The following LLGL1 variants were observed in gnomAD, a reference collection of about 807,000 sequenced individuals.
LLGL1 encodes the protein lethal(2) giant larvae protein homolog 1.
Under a neutral mutation model 110.6 loss-of-function variants are expected in LLGL1, and 58 were observed. That is an observed-to-expected ratio of 0.52 (90% CI 0.42 to 0.65). LLGL1 has a LOEUF of 0.65. LLGL1 is among the 30% of genes least tolerant of loss of function. The pLI, the probability that LLGL1 is intolerant of heterozygous loss-of-function variation, is 0.00. For missense variants in LLGL1, 1,229 were observed against 1,462.1 expected, an observed-to-expected ratio of 0.84 and a Z score of 2.60; for synonymous variants, 674 against 607.2, an observed-to-expected ratio of 1.11 and a Z score of -1.62.
At chr17:18,225,992 CT>C (rs1224981746) in intron 1 of LLGL1, among the ~76,000 whole-genome samples, 1 of 152,004 alleles carries the variant, frequency 6.6e-6, no homozygotes, top group Non-Finnish European at 1.5e-5. Flanking sequence ...CTCCCCGAGT[CT>C]CTGCGGGCCG....
chr17:18,234,893 CCACTGTGT>C lies in LLGL1; in HGVS notation c.961_968del (p.His321LysfsTer31). ...TGCCCCGTGCCAGCTATGGTGACCG[CCACTGTGT>C]AAGTGTGCTTCGAGCCGAGACATTG... On this transcript the variant is annotated frameshift_variant, in exon 9 of 23. Transcript: ENST00000316843. LOFTEE classifies it high-confidence loss of function. The C allele has an allele frequency of 2.5e-6, 4 of 1,614,080 alleles. No homozygotes were observed. The highest frequency in any genetic ancestry group is 3.4e-6 in the Non-Finnish European group (4 of 1,180,012).
In LLGL1 at chr17:18,239,731, A is replaced by C. The variant is rs1378226788; in HGVS notation, c.2207-847A>C. Among the ~76,000 whole-genome samples, 23 of 150,092 alleles carry C rather than the reference A, an allele frequency of 1.5e-4. No homozygotes were observed. In the South Asian group the frequency reaches 4.7e-3, roughly 31 times the overall value. On this transcript the variant is annotated intron_variant, in intron 16 of 22. Coordinates refer to ENST00000316843, the MANE Select transcript of LLGL1 (RefSeq NM_004140.4). ...CTCACTGTCTGGATGTGGCGGGTGC[A>C]GCTGGGGGTGGGGGGTTCTTTGACT... is the stretch of plus-strand genomic sequence containing the variant.
rs766299600 is a variant in LLGL1, at chr17:18,242,185, C to T, written c.2902C>T (p.Pro968Ser). 6 of 1,614,010 alleles carry T rather than the reference C, an allele frequency of 3.7e-6. No individual in the cohort carries two copies. Among genetic ancestry groups the T allele is most frequent in the South Asian group, 2.2e-5 (2 of 91,084 alleles). ...CTGCAGTTACAGGATCCGAGAGTCA[C>T]CCAAGCTGAGCCAGGCTAACGGGAC... is the stretch of plus-strand genomic sequence containing the variant. ...TQASYRIRES[P>S]KLSQANGTPS... The change falls in exon 20 of 23, where the codon CCC (proline) becomes TCC (serine). Residue 968 changes from proline to serine, a missense_variant. By Grantham distance (74) the Pro-to-Ser change is moderately conservative. Coordinates refer to ENST00000316843, the MANE Select transcript of LLGL1 (RefSeq NM_004140.4).
At chr17:18,242,120 C>T (rs2047850020) in intron 19 of LLGL1, 46 bp from the exon 20 acceptor site, 1 of 1,569,862 alleles carries the variant, frequency 6.4e-7, no homozygotes, top group South Asian at 1.1e-5. Context: ...GCGTGCCAGC[C>T]TCAAGTCATC....
chr17:18,232,388 A>G (rs1466411939), intron 2 of LLGL1, 107 bp from the exon 3 acceptor site: 3 of 1,009,036 alleles, frequency 3.0e-6, no homozygotes, highest in Non-Finnish European at 4.4e-6. Flanking sequence ...GGTCAGGCCC[A>G]TGCCGGGGCC....
At chr17:18,239,140 AGGTTGAG>A (rs2047765511) in intron 16 of LLGL1, among the ~76,000 whole-genome samples, 1 of 151,952 alleles carries the variant, frequency 6.6e-6, no homozygotes, top group African/African-American at 2.4e-5. Flanking sequence ...AGGAGAAGGG[AGGTTGAG>A]GCCTGGTGGA....
intron 8 of LLGL1, 59 bp from the exon 9 acceptor site, chr17:18,234,780 T>G: frequency 6.2e-7 from 1 of 1,613,748 alleles, no homozygotes; most frequent in Non-Finnish European, 8.5e-7. Context: ...CCCTAGGTTG[T>G]GCAGTATGTG....
At chr17:18,232,629 T>C (rs778751106) in intron 3 of LLGL1, 43 bp from the exon 4 acceptor site, 4 of 1,613,596 alleles carry the variant, frequency 2.5e-6, no homozygotes, top group Non-Finnish European at 3.4e-6. Context: ...TATCTACTCA[T>C]CCCCCTAGGC....
At chr17:18,231,218 G>T (rs917619704) in intron 2 of LLGL1, among the ~76,000 whole-genome samples, 1 of 152,180 alleles carries the variant, frequency 6.6e-6, no homozygotes, top group Non-Finnish European at 1.5e-5. Context: ...GAGCCCCTTG[G>T]GTTGGGAAAC....
Position 18,236,799 on chromosome 17 carries a change from C to G in LLGL1, c.1507-36C>G, listed in dbSNP as rs746422938. On this transcript the variant is annotated intron_variant, in intron 12 of 22. Transcript: ENST00000316843. ...CTGGCCCTGATGAGCTGGTCCTGAC[C>G]CCGCCTGGACTCATTACTCCTTCCC... 3.1e-6 allele frequency: 5 copies of G among 1,612,702 alleles called. No homozygotes were observed. In the South Asian group the frequency reaches 5.5e-5, roughly 18 times the overall value.
chr17:18,234,402 C>G lies in LLGL1; in HGVS notation c.844C>G (p.Pro282Ala), dbSNP rs781379755. 1 of 1,612,590 alleles carries G rather than the reference C, an allele frequency of 6.2e-7. No homozygotes were observed. The highest frequency in any genetic ancestry group is 8.5e-7 in the Non-Finnish European group (1 of 1,179,902). ...GCTGCAGCCCACGGTAGCCACCACA[C>G]CTTACGGTGAGTGCTGGGGACACCT... ...PTLQPTVATT[P>A]YGPFPCKAIN... Residue 282 changes from proline (P) to alanine (A), a missense_variant, in exon 7 of 23, where the codon CCT (proline) becomes GCT (alanine). Physicochemically the swap from Pro to Ala is conservative, Grantham distance 27. Coordinates refer to ENST00000316843, the MANE Select transcript of LLGL1 (RefSeq NM_004140.4).
At chr17:18,242,903 G>T in intron 22 of LLGL1, 81 bp downstream of exon 22, 1 of 1,333,492 alleles carries the variant, frequency 7.5e-7, no homozygotes, top group Non-Finnish European at 1.0e-6. Flanking sequence ...TTTGGCCCTG[G>T]TCTTCTACCT....
chr17:18,230,867 A>C (rs2047552202), intron 2 of LLGL1, among the ~76,000 whole-genome samples: 1 of 152,038 alleles, frequency 6.6e-6, no homozygotes, highest in South Asian at 2.1e-4. Flanking sequence ...TGGGACTCTG[A>C]GCCTGTGGTT....
intron 4 of LLGL1, 59 bp from the exon 5 acceptor site, chr17:18,233,719 C>T: frequency 6.5e-7 from 1 of 1,545,660 alleles, no homozygotes; most frequent in Non-Finnish European, 8.8e-7. Flanking sequence ...GCCCCTCACA[C>T]CCCACCTGAG....
chr17:18,230,471 G>T (rs548900373), intron 2 of LLGL1, among the ~76,000 whole-genome samples: 2 of 152,252 alleles, frequency 1.3e-5, no homozygotes, highest in Non-Finnish European at 2.9e-5. Context: ...AGGGGCCTGG[G>T]GGCAGTGCCA....
intron 17 of LLGL1, 79 bp from the exon 18 acceptor site, chr17:18,241,372 G>A (rs969486864): frequency 5.6e-5 from 84 of 1,511,810 alleles, no homozygotes; most frequent in Non-Finnish European, 7.2e-5. Context: ...GGGGCTGTTG[G>A]GTCAGCAGCC....
chr17:18,233,704 GC>G lies in LLGL1; in HGVS notation c.393-71del, dbSNP rs541845627. 2.6e-3 allele frequency: 3,877 copies of G among 1,501,644 alleles called. 16 individuals are homozygous for G. Among genetic ancestry groups the G allele is most frequent in the Middle Eastern group, 3.9e-3 (18 of 4,582 alleles). 93.0% of individuals were successfully genotyped at this position (1,501,644 alleles called of 1,614,324 possible). On this transcript the variant is annotated intron_variant, in intron 4 of 22. Transcript: ENST00000316843. ...GGCCAGTGATGAGTTATCAGCAGTG[GC>G]CCAGCCCCTCACACCCCACCTGAGC...
At chr17:18,237,855 G>A in intron 14 of LLGL1, 82 bp downstream of exon 14, 1 of 1,469,054 alleles carries the variant, frequency 6.8e-7, no homozygotes, top group Non-Finnish European at 9.2e-7. Flanking sequence ...CTAGTGTTTG[G>A]TGTGGCAAAG....
chr17:18,233,712 C>G (rs2047620058), intron 4 of LLGL1, 66 bp from the exon 5 acceptor site: 1 of 1,534,986 alleles, frequency 6.5e-7, no homozygotes, highest in South Asian at 1.2e-5. Flanking sequence ...TGGCCCAGCC[C>G]CTCACACCCC....
Sources: allele counts gnomAD v4.1 joint callset (sites outside exome capture counted in the v4.1 genomes callset), GRCh38; gene constraint gnomAD v4.1.1; transcripts MANE v1.5; gene names NCBI Gene and HGNC (gene_info 2026-07-23, HGNC 2026-07-21).